PTPN5: variants seen among roughly 807,000 people sequenced by gnomAD.
PTPN5 encodes protein tyrosine phosphatase non-receptor type 5.
A neutral mutation model predicts 73.9 loss-of-function variants in PTPN5; 29 were observed. That is an observed-to-expected ratio of 0.39 (90% CI 0.29 to 0.54). The LOEUF (loss-of-function observed/expected upper bound fraction) is 0.54. Among genes scored for constraint, PTPN5 ranks in the 20% least tolerant of loss-of-function variants. PTPN5 has a pLI of 0.65. For synonymous variants in PTPN5, 267 were observed against 304.7 expected, an observed-to-expected ratio of 0.88 and a Z score of 1.29; for missense variants, 652 against 751.4, an observed-to-expected ratio of 0.87 and a Z score of 1.55.
chr11:18,746,192 T>TATATATATATATATATATATATACATAC (rs550537453), intron 3 of PTPN5, among the ~76,000 whole-genome samples: 1 of 102,820 alleles, frequency 9.7e-6, no homozygotes, highest in Non-Finnish European at 2.1e-5. Flanking sequence ...TATATATATA[T>TATATATATATATATATATATATACATAC]ACATTTTTTT....
intron 1 of PTPN5, among the ~76,000 whole-genome samples, chr11:18,791,152 A>G (rs1021666535): frequency 3.9e-5 from 6 of 152,184 alleles, no homozygotes. Context: ...GGCGATTTCC[A>G]ATCTCCCTCA....
rs367543225 is a variant in PTPN5, at chr11:18,733,250, G to A, written c.1203C>T (p.Ile401=). 3 of 1,613,182 alleles carry A rather than the reference G, an allele frequency of 1.9e-6. No homozygotes were observed. The highest frequency in any genetic ancestry group is 2.2e-5 in the South Asian group (2 of 91,056). Reference sequence around the variant, plus strand: ...GGGTCCCTACCTCGTTCATCTCCTCGATGTTGGTGATCATGACAATGATGG... The same window carrying A: ...GGGTCCCTACCTCGTTCATCTCCTCAATGTTGGTGATCATGACAATGATGG... ...HTPIIVMITN[I]EEMNEKCTEY... is the part of the protein sequence containing the mutation. Residue 401 remains isoleucine (I), a synonymous_variant, in exon 11 of 15, where the codon ATC becomes ATT. Transcript: ENST00000358540. This position sits in a 1 kb window ranked among gnomAD's most constrained non-coding sequence, Gnocchi z 4.3.
rs1206812067 is a variant in PTPN5 at position 18,744,053 on chromosome 11, G to C, written c.244C>G (p.Leu82Val). The change falls in exon 4 of 15, where the codon CTC becomes GTC. Residue 82 changes from leucine to valine, a missense_variant. Physicochemically the swap from Leu to Val is conservative, Grantham distance 32 (BLOSUM62 1). Transcript: ENST00000358540. ...PPPRGAGSHSLTVRSSLCLFA... is the reference protein window; with the variant it reads ...PPPRGAGSHSVTVRSSLCLFA... ...AGGCACAGGCTGCTCCTGACAGTGA[G>C]GGAGTGGCTCCCAGCGCCTCGAGGT... 6.2e-7 allele frequency: 1 copy of C among 1,609,792 alleles called. No individual in the cohort carries two copies. The highest frequency in any genetic ancestry group is 2.2e-5 in the East Asian group (1 of 44,618).
At chr11:18,739,290 G>A (rs1849258321) in intron 8 of PTPN5, among the ~76,000 whole-genome samples, 1 of 152,224 alleles carries the variant, frequency 6.6e-6, no homozygotes, top group Non-Finnish European at 1.5e-5. Context: ...TGAGGTAGAG[G>A]ATGTGATTCT....
chr11:18,791,864 C>G (rs891029748), upstream of PTPN5: 4 of 152,072 alleles, frequency 2.6e-5, no homozygotes, highest in Non-Finnish European at 5.9e-5. Context: ...CCCGGGCGGG[C>G]TTCCGCCGCT....
intron 3 of PTPN5, among the ~76,000 whole-genome samples, chr11:18,753,538 C>T (rs1456983851): frequency 6.6e-6 from 1 of 151,668 alleles, no homozygotes; most frequent in Non-Finnish European, 1.5e-5. Context: ...ATGCTCTGGC[C>T]CCTGCTTACC....
intron 8 of PTPN5, among the ~76,000 whole-genome samples, chr11:18,739,609 G>C (rs1214938968): frequency 6.6e-6 from 1 of 152,182 alleles, no homozygotes; most frequent in African/African-American, 2.4e-5. Flanking sequence ...CTTCTCACAG[G>C]GGAGAGCTAC....
At chr11:18,734,974 C>G (rs967653264) in intron 9 of PTPN5, among the ~76,000 whole-genome samples, 32 of 152,316 alleles carry the variant, frequency 2.1e-4, no homozygotes, top group Non-Finnish European at 3.7e-4. Context: ...CTAGCAGTGT[C>G]AACATGGACA....
At chr11:18,789,520 C>A (rs1198299885) in intron 1 of PTPN5, among the ~76,000 whole-genome samples, 1 of 152,194 alleles carries the variant, frequency 6.6e-6, no homozygotes, top group Non-Finnish European at 1.5e-5. Flanking sequence ...ATTATGAAGT[C>A]TGTGTAAACT....
chr11:18,746,420 G>A (rs927253228), intron 3 of PTPN5, among the ~76,000 whole-genome samples: 10 of 151,880 alleles, frequency 6.6e-5, no homozygotes, highest in South Asian at 2.1e-4. Context: ...TTGAACACCT[G>A]ACCTCAAGTG....
rs1015552960 is a variant in PTPN5 at position 18,742,052 on chromosome 11, G to A, written c.725+210C>T. On this transcript the variant is annotated intron_variant, in intron 7 of 14. Coordinates refer to ENST00000358540, the MANE Select transcript of PTPN5 (RefSeq NM_006906.2). The surrounding 1 kb of genome is among the most constrained non-coding windows in gnomAD (Gnocchi z 4.1). ...TGTGTGTGAACATGTGTACACCTAT[G>A]TGTGCGTGTGCAGTAACAGTATTTC... Among the ~76,000 whole-genome samples, 14 of 152,346 alleles carry A rather than the reference G, an allele frequency of 9.2e-5. No homozygotes were observed. In the East Asian group the frequency reaches 1.4e-3, roughly 15 times the overall value.
chr11:18,785,880 C>T (rs938098948), intron 1 of PTPN5, among the ~76,000 whole-genome samples: 3 of 152,200 alleles, frequency 2.0e-5, no homozygotes, highest in African/African-American at 7.2e-5. Context: ...TACATTAGCC[C>T]AAAGTTAGGA....
At chr11:18,760,949 T>A (rs1237850818) in intron 3 of PTPN5, among the ~76,000 whole-genome samples, 1 of 152,252 alleles carries the variant, frequency 6.6e-6, no homozygotes, top group Non-Finnish European at 1.5e-5. Flanking sequence ...CTTGCTCAGG[T>A]ACATCCCTGT....
chr11:18,772,582 TCTC>T (rs1485457015), intron 1 of PTPN5, among the ~76,000 whole-genome samples: 1 of 151,968 alleles, frequency 6.6e-6, no homozygotes, highest in Non-Finnish European at 1.5e-5. Flanking sequence ...TCCCTCCTCT[TCTC>T]TGAGTGGGAG....
chr11:18,761,325 G>T (rs1421714764), intron 3 of PTPN5, among the ~76,000 whole-genome samples: 1 of 152,192 alleles, frequency 6.6e-6, no homozygotes, highest in African/African-American at 2.4e-5. Context: ...CTAGGACTAT[G>T]CTGGGCTAGG....
chr11:18,741,357 G>A (rs184030966), intron 7 of PTPN5, among the ~76,000 whole-genome samples: 5 of 152,188 alleles, frequency 3.3e-5, no homozygotes, highest in Non-Finnish European at 7.4e-5. Flanking sequence ...TCTACAATGG[G>A]CAAACTCTAC....
intron 1 of PTPN5, among the ~76,000 whole-genome samples, chr11:18,775,729 C>G (rs1265956942): frequency 6.6e-6 from 1 of 152,206 alleles, no homozygotes; most frequent in African/African-American, 2.4e-5. Flanking sequence ...TTTCCCTTAT[C>G]TGAATCTCAG....
At chr11:18,752,949 A>C (rs1272619185) in intron 3 of PTPN5, among the ~76,000 whole-genome samples, 1 of 152,242 alleles carries the variant, frequency 6.6e-6, no homozygotes, top group Admixed American at 6.5e-5. Flanking sequence ...AATAAGAGGC[A>C]AAACCAGGAC....
Position 18,744,091 on chromosome 11 carries a change from G to A in PTPN5, c.206C>T (p.Ala69Val). ...PPPPSPPSDP[A>V]QKPPPRGAGS... Reference sequence around the variant, plus strand: ...AGCGCCTCGAGGTGGTGGCTTCTGAGCTGGATCTGAGGGCGGCGAGGGAGG... The same window carrying A: ...AGCGCCTCGAGGTGGTGGCTTCTGAACTGGATCTGAGGGCGGCGAGGGAGG... The change falls in exon 4 of 15, where the codon GCT becomes GTT. Residue 69 changes from alanine to valine, a missense_variant. This residue lies in a region of PTPN5 where 529 missense variants were observed against 573.9 expected (regional missense o/e 0.92). Transcript: ENST00000358540. 6.2e-7 allele frequency: 1 copy of A among 1,612,002 alleles called. No homozygotes were observed. The highest frequency in any genetic ancestry group is 8.5e-7 in the Non-Finnish European group (1 of 1,179,146).
Sources: allele counts gnomAD v4.1 joint callset (sites outside exome capture counted in the v4.1 genomes callset), GRCh38; gene constraint gnomAD v4.1.1; regional missense constraint gnomAD v4.1.1; non-coding constraint Gnocchi (gnomAD v3.1); transcripts MANE v1.5; gene names NCBI Gene and HGNC (gene_info 2026-07-23, HGNC 2026-07-21).